Variants in AIG1 observed in about 807,000 individuals in gnomAD.
AIG1 encodes androgen-induced gene 1 protein.
A neutral mutation model predicts 31.4 loss-of-function variants in AIG1; 23 were observed. The observed-to-expected ratio is 0.73, with a 90% CI of 0.53 to 1.04. The LOEUF (loss-of-function observed/expected upper bound fraction) is 1.04. AIG1 is among the 50% of genes least tolerant of loss of function. The pLI is 0.00. For missense variants in AIG1, 274 were observed against 295.0 expected, an observed-to-expected ratio of 0.93 and a Z score of 0.52; for synonymous variants, 100 against 110.5, an observed-to-expected ratio of 0.90 and a Z score of 0.60.
chr6:143,212,655 C>T (rs1466925665), intron 3 of AIG1, among the ~76,000 whole-genome samples: 2 of 152,094 alleles, frequency 1.3e-5, no homozygotes, highest in African/African-American at 4.8e-5. Context: ...AATGAAAACT[C>T]GGTGCCTCAG....
At chr6:143,132,804 T>G (rs746505505) in intron 1 of AIG1, among the ~76,000 whole-genome samples, 1 of 152,074 alleles carries the variant, frequency 6.6e-6, no homozygotes, top group Non-Finnish European at 1.5e-5. Flanking sequence ...ATGTTTTCTA[T>G]GTATTCAATT....
chr6:143,187,612 G>A lies in AIG1; in HGVS notation c.399+22429G>A, dbSNP rs181740201. 187 of 1,535,996 alleles carry A rather than the reference G, an allele frequency of 1.2e-4. 1 individual carries two copies. The East Asian group carries it at 4.1e-3, about 34-fold the overall frequency. On this transcript the variant is annotated intron_variant, in intron 3 of 5. Coordinates refer to ENST00000357847, the MANE Select transcript of AIG1 (RefSeq NM_016108.4). ...AGAGAAGGCAATTAAAAGATGTTGC[G>A]ACCTTTCTTTCTGCAGCATTTCAAA... is the stretch of plus-strand genomic sequence containing the variant.
At chr6:143,242,928 G>C (rs145515545) in intron 3 of AIG1, among the ~76,000 whole-genome samples, 1 of 152,136 alleles carries the variant, frequency 6.6e-6, no homozygotes, top group East Asian at 1.9e-4. Flanking sequence ...CCCAGGTTGC[G>C]TGTGGTTGTA....
At chr6:143,242,851 A>G (rs1794339445) in intron 3 of AIG1, among the ~76,000 whole-genome samples, 1 of 152,228 alleles carries the variant, frequency 6.6e-6, no homozygotes, top group Admixed American at 6.5e-5. Flanking sequence ...AGTGCATGCG[A>G]CATCATGGCT....
At chr6:143,144,782 T>C (rs931777995) in intron 2 of AIG1, among the ~76,000 whole-genome samples, 1 of 152,238 alleles carries the variant, frequency 6.6e-6, no homozygotes, top group African/African-American at 2.4e-5. Context: ...TGGCATATTA[T>C]GTTTATTCTT....
At chr6:143,152,969 G>A (rs1785374725) in intron 2 of AIG1, among the ~76,000 whole-genome samples, 1 of 152,212 alleles carries the variant, frequency 6.6e-6, no homozygotes, top group Non-Finnish European at 1.5e-5. Context: ...GAGGCTGTGA[G>A]AAGAGACAGA....
At chr6:143,060,779 G>GCGCCCCGCCCCCGCCCCCGCCCCCGCCC, upstream of AIG1, 1 of 130,554 alleles carries the variant, frequency 7.7e-6, no homozygotes, top group East Asian at 2.5e-4. Context: ...CCGGGGGCGC[G>GCGCCCCGCCCCCGCCCCCGCCCCCGCCC]CGCCCCGCCC....
chr6:143,126,204 C>A (rs554903449), intron 1 of AIG1: 1 of 152,188 alleles, frequency 6.6e-6, no homozygotes, highest in Non-Finnish European at 1.5e-5. Context: ...TAATGGACAT[C>A]GTCTCTGGAT....
At chr6:143,300,253 A>C (rs1469789) in intron 4 of AIG1, among the ~76,000 whole-genome samples, 33,943 of 152,192 alleles carry the variant, frequency 0.22, 3,929 homozygotes, top group South Asian at 0.28. Flanking sequence ...ACTTTTAAAA[A>C]TAGAGAACTG....
chr6:143,183,249 G>A (rs1208849928), intron 3 of AIG1, among the ~76,000 whole-genome samples: 1 of 147,620 alleles, frequency 6.8e-6, no homozygotes, highest in Non-Finnish European at 1.5e-5. Flanking sequence ...AGGCTGGAGT[G>A]CGATGGCGCA....
chr6:143,161,030 G>C (rs1786321893), intron 2 of AIG1, among the ~76,000 whole-genome samples: 1 of 152,152 alleles, frequency 6.6e-6, no homozygotes, highest in African/African-American at 2.4e-5. Flanking sequence ...ACAGTGATAT[G>C]TTAGTAAATA....
At chr6:143,267,208 G>T (rs979867864) in intron 3 of AIG1, among the ~76,000 whole-genome samples, 1 of 152,160 alleles carries the variant, frequency 6.6e-6, no homozygotes, top group Non-Finnish European at 1.5e-5. Flanking sequence ...TGAGTTGAGG[G>T]CAGAGGAAAG....
chr6:143,090,395 T>C (rs1407372154), intron 1 of AIG1, among the ~76,000 whole-genome samples: 3 of 152,212 alleles, frequency 2.0e-5, no homozygotes, highest in African/African-American at 7.2e-5. Flanking sequence ...TTCATTATAA[T>C]ATCAAAAACT....
intron 4 of AIG1, among the ~76,000 whole-genome samples, chr6:143,304,119 T>C (rs1799056397): frequency 2.0e-5 from 3 of 151,748 alleles, no homozygotes; most frequent in African/African-American, 7.3e-5. Flanking sequence ...CTTAAGGAGA[T>C]TTTGGGCTGA....
intron 1 of AIG1, among the ~76,000 whole-genome samples, chr6:143,090,718 T>C (rs1451844142): frequency 1.3e-5 from 2 of 152,242 alleles, no homozygotes; most frequent in African/African-American, 2.4e-5. Flanking sequence ...TGAGCCCTCA[T>C]TGAGTAATTG....
At chr6:143,097,196 A>G (rs1779877044) in intron 1 of AIG1, among the ~76,000 whole-genome samples, 1 of 151,844 alleles carries the variant, frequency 6.6e-6, no homozygotes, top group South Asian at 2.1e-4. Flanking sequence ...TATCAGATAG[A>G]ATCTCCCTTG....
intron 1 of AIG1, among the ~76,000 whole-genome samples, chr6:143,096,772 T>C (rs1779836661): frequency 6.6e-6 from 1 of 152,214 alleles, no homozygotes; most frequent in Non-Finnish European, 1.5e-5. Flanking sequence ...AAAAAATGAT[T>C]TTAAAAGAAG....
intron 3 of AIG1, among the ~76,000 whole-genome samples, chr6:143,257,782 T>C (rs1265294515): frequency 6.6e-6 from 1 of 152,222 alleles, no homozygotes; most frequent in Non-Finnish European, 1.5e-5. Context: ...TGTGAAGTTC[T>C]AGGTGCTGTG....
In AIG1 at chr6:143,272,874, T is replaced by C. The variant is rs150076328; in HGVS notation, c.400-11236T>C. Among the ~76,000 whole-genome samples, 1,441 of 152,316 alleles carry C rather than the reference T, an allele frequency of 9.5e-3. 46 individuals carry two copies. The highest frequency in any genetic ancestry group is 0.065 in the East Asian group (337 of 5,172). ...GGCCAGGCGCGGTGGCTCATGCCTG[T>C]GATCCCAGCACTTTGGGAGGCCGAG... On this transcript the variant is annotated intron_variant, in intron 3 of 5. Transcript: ENST00000357847.
Sources: allele counts gnomAD v4.1 joint callset (sites outside exome capture counted in the v4.1 genomes callset), GRCh38; gene constraint gnomAD v4.1.1; transcripts MANE v1.5; gene names NCBI Gene and HGNC (gene_info 2026-07-23, HGNC 2026-07-21).